The following RAB11FIP4 variants were observed in gnomAD, a reference collection of about 807,000 sequenced individuals.
RAB11FIP4 encodes rab11 family-interacting protein 4.
RAB11FIP4 carries 23 observed loss-of-function variants against 74.3 expected under a neutral mutation model. The ratio of observed to expected loss-of-function variants is 0.31; its 90% CI spans 0.22 to 0.44. RAB11FIP4 has a LOEUF of 0.44. Among genes scored for constraint, RAB11FIP4 ranks in the 20% least tolerant of loss-of-function variants. The pLI, the probability that RAB11FIP4 is intolerant of heterozygous loss-of-function variation, is 1.00. For missense variants in RAB11FIP4, 630 were observed against 863.9 expected (o/e 0.73, Z 3.39); for synonymous variants, 360 against 359.9 (o/e 1.00, Z 0.00).
chr17:31,450,807 C>T (rs1307101346), intron 3 of RAB11FIP4, among the ~76,000 whole-genome samples: 1 of 148,692 alleles, frequency 6.7e-6, no homozygotes, highest in African/African-American at 2.6e-5. Flanking sequence ...CTGTGGCGCA[C>T]CCTCTGCATT....
chr17:31,446,685 G>C (rs186840751), intron 3 of RAB11FIP4, among the ~76,000 whole-genome samples: 4 of 152,162 alleles, frequency 2.6e-5, no homozygotes, highest in Admixed American at 2.6e-4. Context: ...CTGAGATAAT[G>C]TGGGGAAGAA....
At position 31,463,803 on chromosome 17, in the gene RAB11FIP4, C is replaced by CTTTTTTTTTTTTTTTTTTT. The variant is rs60955293; in HGVS notation, c.336+29691_336+29709dup. ...ACAGGTGTGAGCCACTGCGCCTGGA[C>CTTTTTTTTTTTTTTTTTTT]TTTTTTTTTTTTTTTTTTTTTTTTT... On this transcript the variant is annotated intron_variant, in intron 3 of 14. Coordinates refer to ENST00000621161, the MANE Select transcript of RAB11FIP4 (RefSeq NM_032932.6). Among the ~76,000 whole-genome samples, 6 of 32,822 alleles carry CTTTTTTTTTTTTTTTTTTT rather than the reference C, an allele frequency of 1.8e-4. 2 individuals carry two copies. Among genetic ancestry groups the CTTTTTTTTTTTTTTTTTTT allele is most frequent in the Admixed American group, 1.2e-3 (2 of 1,648 alleles). 21.5% of individuals were successfully genotyped at this position (32,822 alleles called of 152,430 possible). A position where few individuals can be genotyped will look rare whatever the true frequency, so the allele number is the denominator to read the frequency against.
chr17:31,411,776 G>A (rs565008076), intron 1 of RAB11FIP4, among the ~76,000 whole-genome samples: 59 of 152,336 alleles, frequency 3.9e-4, no homozygotes, highest in Non-Finnish European at 5.9e-4. Flanking sequence ...CCTGCCATAC[G>A]GGCCCTGAGG....
At chr17:31,398,839 C>T (rs1451035157) in intron 1 of RAB11FIP4, among the ~76,000 whole-genome samples, 2 of 152,050 alleles carry the variant, frequency 1.3e-5, no homozygotes, top group Non-Finnish European at 2.9e-5. Context: ...GGCTGGTGGG[C>T]GGGGAGTAGG....
intron 3 of RAB11FIP4, among the ~76,000 whole-genome samples, chr17:31,514,385 C>T (rs538361948): frequency 6.6e-6 from 1 of 152,348 alleles, no homozygotes; most frequent in Admixed American, 6.5e-5. Context: ...CTGCACTGGG[C>T]CCTCTGCCTG....
intron 3 of RAB11FIP4, among the ~76,000 whole-genome samples, chr17:31,503,755 C>G (rs769976396): frequency 2.7e-4 from 40 of 149,844 alleles, no homozygotes; most frequent in Non-Finnish European, 5.0e-4. Flanking sequence ...TCATGTTGGT[C>G]TGTTCGGGCT....
intron 3 of RAB11FIP4, among the ~76,000 whole-genome samples, chr17:31,492,573 G>C (rs930728439): frequency 6.6e-6 from 1 of 152,144 alleles, no homozygotes; most frequent in Non-Finnish European, 1.5e-5. Context: ...ACACTGGGTG[G>C]CAGGCTGCAG....
chr17:31,431,686 G>A (rs750908476), intron 1 of RAB11FIP4, 127 bp from the exon 2 acceptor site: 1 of 724,328 alleles, frequency 1.4e-6, no homozygotes, highest in East Asian at 3.0e-5. Flanking sequence ...CTGACCCCAG[G>A]GTGAGGGTAA....
At chr17:31,510,338 G>T (rs1450856143) in intron 3 of RAB11FIP4, among the ~76,000 whole-genome samples, 4 of 152,232 alleles carry the variant, frequency 2.6e-5, no homozygotes. Flanking sequence ...CCCTACACTA[G>T]GCTTAGTGTG....
intron 3 of RAB11FIP4, among the ~76,000 whole-genome samples, chr17:31,469,631 CA>C (rs11414143): frequency 0.52 from 48,025 of 91,746 alleles, 9,723 homozygotes; most frequent in East Asian, 0.69. Flanking sequence ...GACCCTCTCT[CA>C]AAAAAAAAAA....
chr17:31,487,911 C>A (rs2071926671), intron 3 of RAB11FIP4: 1 of 420,804 alleles, frequency 2.4e-6, no homozygotes, highest in Non-Finnish European at 3.2e-6. Flanking sequence ...GCGGGGTTAC[C>A]TGGGCCCCGC....
At chr17:31,429,681 C>G (rs1395482110) in intron 1 of RAB11FIP4, among the ~76,000 whole-genome samples, 3 of 152,006 alleles carry the variant, frequency 2.0e-5, no homozygotes, top group African/African-American at 7.2e-5. Context: ...ACAAAAATTA[C>G]CTGGGCATGT....
At position 31,495,216 on chromosome 17, in the gene RAB11FIP4, C is replaced by T. The variant is rs140165228; in HGVS notation, c.337-22435C>T. On this transcript the variant is annotated intron_variant, in intron 3 of 14. Transcript: ENST00000621161. ...GACAAAAAGGTGCAGGCTGTGCCAC[C>T]GCCCAGCCACACTGGGTGACTGCCC... Among the ~76,000 whole-genome samples, 807 of 152,296 alleles carry T rather than the reference C, an allele frequency of 5.3e-3. 5 individuals carry two copies. Among genetic ancestry groups the T allele is most frequent in the African/African-American group, 0.018 (754 of 41,564 alleles).
chr17:31,453,182 A>G (rs944836900), intron 3 of RAB11FIP4, among the ~76,000 whole-genome samples: 1 of 151,892 alleles, frequency 6.6e-6, no homozygotes, highest in Non-Finnish European at 1.5e-5. Flanking sequence ...GAGACCCCAT[A>G]TCTACAAAAA....
chr17:31,401,699 C>G (rs1433363701), intron 1 of RAB11FIP4, among the ~76,000 whole-genome samples: 1 of 152,176 alleles, frequency 6.6e-6, no homozygotes, highest in Non-Finnish European at 1.5e-5. Context: ...CAGGAAGATC[C>G]CAGTCTAAGG....
Position 31,530,450 on chromosome 17 carries a change from A to G in RAB11FIP4, c.1778A>G (p.Asp593Gly). 2.5e-6 allele frequency: 4 copies of G among 1,613,880 alleles called. No individual in the cohort carries two copies. The highest frequency in any genetic ancestry group is 3.4e-6 in the Non-Finnish European group (4 of 1,179,864). The change falls in exon 14 of 15, where the codon GAC (aspartate) becomes GGC (glycine). Residue 593 changes from aspartate to glycine, a missense_variant. Physicochemically the swap from Asp to Gly is moderately conservative, Grantham distance 94. Coordinates refer to ENST00000621161, the MANE Select transcript of RAB11FIP4 (RefSeq NM_032932.6). ...TKAQSLAAEI[D>G]TASRDELMEA... ...GCCCAGTCTCTGGCTGCGGAGATAGACACCGCCTCGCGCGATGAGGTAACC... is the reference window on the plus strand; with the variant it reads ...GCCCAGTCTCTGGCTGCGGAGATAGGCACCGCCTCGCGCGATGAGGTAACC...
intron 3 of RAB11FIP4, among the ~76,000 whole-genome samples, chr17:31,492,892 C>A (rs564483933): frequency 6.6e-6 from 1 of 152,078 alleles, no homozygotes; most frequent in Non-Finnish European, 1.5e-5. Flanking sequence ...TCAGAACCCC[C>A]CTGAGCACCC....
chr17:31,416,328 G>A (rs1051281018), intron 1 of RAB11FIP4, among the ~76,000 whole-genome samples: 2 of 152,196 alleles, frequency 1.3e-5, no homozygotes, highest in Non-Finnish European at 2.9e-5. Context: ...CACATGGAGG[G>A]GAGCGGGCTT....
At chr17:31,457,655 C>T (rs1361729693) in intron 3 of RAB11FIP4, among the ~76,000 whole-genome samples, 5 of 151,968 alleles carry the variant, frequency 3.3e-5, no homozygotes, top group Non-Finnish European at 1.5e-5. Context: ...AAGGCTGTTA[C>T]AGCCTGGGGG....
Sources: allele counts gnomAD v4.1 joint callset (sites outside exome capture counted in the v4.1 genomes callset), GRCh38; gene constraint gnomAD v4.1.1; transcripts MANE v1.5; gene names NCBI Gene and HGNC (gene_info 2026-07-23, HGNC 2026-07-21).